NCAM2: variants seen among roughly 807,000 people sequenced by gnomAD.
The protein encoded by NCAM2 is neural cell adhesion molecule 2.
NCAM2 carries 30 observed loss-of-function variants against 98.1 expected under a neutral mutation model. The observed-to-expected ratio is 0.31, with a 90% confidence interval of 0.23 to 0.41. NCAM2 has a LOEUF of 0.41. NCAM2 is among the 10% of genes least tolerant of loss of function. The probability of loss-of-function intolerance (pLI) is 1.00; values close to 1 mark genes in which losing one functional copy is unlikely to be tolerated. For missense variants in NCAM2, 867 were observed against 1,005.8 expected, an observed-to-expected ratio of 0.86 and a Z score of 1.87; for synonymous variants, 368 against 342.4, an observed-to-expected ratio of 1.07 and a Z score of -0.83.
intron 10 of NCAM2, among the ~76,000 whole-genome samples, chr21:21,417,019 A>G (rs1400701720): frequency 6.6e-6 from 1 of 152,132 alleles, no homozygotes; most frequent in Non-Finnish European, 1.5e-5. Flanking sequence ...AACTCCCAGG[A>G]ACAACAACAA....
intron 1 of NCAM2, among the ~76,000 whole-genome samples, chr21:21,070,270 T>C (rs1167569062): frequency 1.0e-5 from 1 of 98,796 alleles, no homozygotes; most frequent in Non-Finnish European, 2.3e-5. Flanking sequence ...ACATAGTGTA[T>C]ATATATATAT....
intron 1 of NCAM2, among the ~76,000 whole-genome samples, chr21:21,140,335 A>G (rs1303713228): frequency 6.6e-6 from 1 of 152,172 alleles, no homozygotes; most frequent in Non-Finnish European, 1.5e-5. Flanking sequence ...TATTTTGGTA[A>G]TGTTGGCTAG....
intron 1 of NCAM2, among the ~76,000 whole-genome samples, chr21:21,066,561 A>C (rs376630834): frequency 2.0e-5 from 3 of 152,160 alleles, no homozygotes. Context: ...ATCTTTTGAC[A>C]TGCTACTATT....
At chr21:21,295,465 T>G (rs541150244) in intron 5 of NCAM2, among the ~76,000 whole-genome samples, 75 of 152,050 alleles carry the variant, frequency 4.9e-4, no homozygotes, top group African/African-American at 1.7e-3. Context: ...ATGTGAAGTA[T>G]GGCGCCTCCA....
At chr21:21,501,030 A>T (rs1397011177) in intron 15 of NCAM2, among the ~76,000 whole-genome samples, 3 of 152,068 alleles carry the variant, frequency 2.0e-5, no homozygotes, top group African/African-American at 7.2e-5. Flanking sequence ...TTGCTCACCT[A>T]GTCTAGTATC....
chr21:21,116,549 T>A (rs577332355), intron 1 of NCAM2, among the ~76,000 whole-genome samples: 1 of 152,212 alleles, frequency 6.6e-6, no homozygotes, highest in African/African-American at 2.4e-5. Flanking sequence ...GCATAGTAGG[T>A]ACTCAAGAAA....
At chr21:21,306,842 C>G (rs919019233) in intron 5 of NCAM2, among the ~76,000 whole-genome samples, 1 of 152,006 alleles carries the variant, frequency 6.6e-6, no homozygotes, top group Admixed American at 6.6e-5. Flanking sequence ...TCCCCCAACC[C>G]CCTACTACAA....
intron 1 of NCAM2, among the ~76,000 whole-genome samples, chr21:21,123,022 C>G (rs1048062669): frequency 1.3e-5 from 2 of 152,154 alleles, no homozygotes; most frequent in Non-Finnish European, 2.9e-5. Context: ...CATCTCATTG[C>G]AGTCTGTGTA....
At chr21:21,324,353 C>T (rs1464011483) in intron 5 of NCAM2, 30 bp from the exon 6 acceptor site, 1 of 1,557,252 alleles carries the variant, frequency 6.4e-7, no homozygotes, top group Non-Finnish European at 8.8e-7. Flanking sequence ...GTTTTCGTCT[C>T]TATTTATTCT....
chr21:21,523,389 G>A (rs1989140985), intron 16 of NCAM2, among the ~76,000 whole-genome samples: 2 of 151,006 alleles, frequency 1.3e-5, no homozygotes, highest in South Asian at 4.2e-4. Context: ...TAGGGGTCTG[G>A]TTTTATGCTT....
chr21:21,001,754 G>A (rs1288977873), intron 1 of NCAM2, among the ~76,000 whole-genome samples: 1 of 152,194 alleles, frequency 6.6e-6, no homozygotes. Context: ...TTGCAATGCA[G>A]TTCAAACGTA....
intron 1 of NCAM2, among the ~76,000 whole-genome samples, chr21:21,081,548 C>G (rs778330592): frequency 6.6e-6 from 1 of 152,146 alleles, no homozygotes; most frequent in Non-Finnish European, 1.5e-5. Flanking sequence ...CGCCTGTAAT[C>G]CCAGCACTTT....
intron 9 of NCAM2, among the ~76,000 whole-genome samples, chr21:21,384,643 A>G (rs2076226671): frequency 6.6e-6 from 1 of 151,986 alleles, no homozygotes; most frequent in Admixed American, 6.6e-5. Context: ...TAGATACAAG[A>G]TTATTACCTT....
At chr21:21,093,395 C>T (rs1392283472) in intron 1 of NCAM2, among the ~76,000 whole-genome samples, 2 of 152,080 alleles carry the variant, frequency 1.3e-5, no homozygotes, top group Admixed American at 6.6e-5. Flanking sequence ...AACCTCTCGT[C>T]TTCTAACATT....
At chr21:21,307,560 A>G (rs954539229) in intron 5 of NCAM2, among the ~76,000 whole-genome samples, 2 of 152,090 alleles carry the variant, frequency 1.3e-5, no homozygotes, top group East Asian at 1.9e-4. Flanking sequence ...CAAGACTATG[A>G]TCTTTTCTGG....
At chr21:21,494,169 A>C (rs1436796649) in intron 15 of NCAM2, among the ~76,000 whole-genome samples, 1 of 151,946 alleles carries the variant, frequency 6.6e-6, no homozygotes, top group Non-Finnish European at 1.5e-5. Context: ...TAGAAAACGC[A>C]GAAGTTTTAT....
intron 1 of NCAM2, among the ~76,000 whole-genome samples, chr21:21,034,604 A>C (rs894185894): frequency 3.3e-5 from 5 of 152,168 alleles, no homozygotes; most frequent in African/African-American, 1.2e-4. Flanking sequence ...ATGGAAGAAA[A>C]ATTTCAACTA....
At chr21:21,325,292 CA>C (rs2074484357) in intron 6 of NCAM2, among the ~76,000 whole-genome samples, 1 of 152,076 alleles carries the variant, frequency 6.6e-6, no homozygotes, top group South Asian at 2.1e-4. Context: ...ATCAGAAGTG[CA>C]AAAGTGTCCC....
At chr21:21,354,619 A>G (rs1275819471) in intron 8 of NCAM2, among the ~76,000 whole-genome samples, 1 of 152,206 alleles carries the variant, frequency 6.6e-6, no homozygotes, top group Non-Finnish European at 1.5e-5. Flanking sequence ...GTGTCCAAAC[A>G]TATTTTGAAT....
Sources: allele counts gnomAD v4.1 joint callset (sites outside exome capture counted in the v4.1 genomes callset), GRCh38; gene constraint gnomAD v4.1.1; transcripts MANE v1.5; gene names NCBI Gene and HGNC (gene_info 2026-07-23, HGNC 2026-07-21).